EPB41L4A: variants seen among roughly 807,000 people sequenced by gnomAD.
The protein encoded by EPB41L4A is band 4.1-like protein 4A.
A neutral mutation model predicts 108.6 loss-of-function variants in EPB41L4A; 100 were observed. The observed-to-expected ratio is 0.92, with a 90% CI of 0.78 to 1.09. The LOEUF (loss-of-function observed/expected upper bound fraction) is 1.09, where lower values mean the gene tolerates loss of function less well. Among genes scored for constraint, EPB41L4A ranks in the 50% least tolerant of loss-of-function variants. The pLI is 0.00. For synonymous variants in EPB41L4A, 319 were observed against 289.0 expected (o/e 1.10, Z -1.05); for missense variants, 1,030 against 842.7 (o/e 1.22, Z -2.75).
At chr5:112,345,739 C>T (rs1450492097) in intron 1 of EPB41L4A, among the ~76,000 whole-genome samples, 2 of 149,650 alleles carry the variant, frequency 1.3e-5, no homozygotes, top group African/African-American at 4.9e-5. Flanking sequence ...AGGATGTGCA[C>T]AATGCTACAG....
chr5:112,186,321 C>T (rs1221085309), intron 17 of EPB41L4A, among the ~76,000 whole-genome samples: 2 of 152,162 alleles, frequency 1.3e-5, no homozygotes, highest in Non-Finnish European at 2.9e-5. Context: ...AGCACAGTTA[C>T]TGTATGTTCA....
intron 1 of EPB41L4A, among the ~76,000 whole-genome samples, chr5:112,389,463 C>T (rs1024888196): frequency 2.0e-5 from 3 of 152,118 alleles, no homozygotes; most frequent in African/African-American, 7.2e-5. Context: ...AGACAGAAAA[C>T]GGCCAATTTC....
chr5:112,153,159 C>A (rs1222655965), intron 12 of EPB41L4A, among the ~76,000 whole-genome samples: 1 of 151,712 alleles, frequency 6.6e-6, no homozygotes, highest in African/African-American at 2.4e-5. Flanking sequence ...GTGGAGGTTG[C>A]AGTGAGCCGA....
intron 22 of EPB41L4A, among the ~76,000 whole-genome samples, chr5:112,168,250 G>A (rs1355859870): frequency 6.6e-6 from 1 of 152,190 alleles, no homozygotes; most frequent in African/African-American, 2.4e-5. Context: ...AGGCAGCTAG[G>A]TGTTCTGTCT....
intron 10 of EPB41L4A, 109 bp from the exon 11 acceptor site, chr5:112,239,846 G>C: frequency 1.8e-6 from 1 of 558,660 alleles, no homozygotes; most frequent in Non-Finnish European, 3.1e-6. Flanking sequence ...CACTTTATAA[G>C]AATACTTCTC....
At chr5:112,416,752 G>C (rs1684274886) in intron 1 of EPB41L4A, among the ~76,000 whole-genome samples, 2 of 152,156 alleles carry the variant, frequency 1.3e-5, no homozygotes, top group Non-Finnish European at 2.9e-5. Flanking sequence ...ATACAGGAAG[G>C]TTAGGAAAAA....
intron 1 of EPB41L4A, among the ~76,000 whole-genome samples, chr5:112,355,060 A>G (rs972906476): frequency 3.9e-5 from 6 of 152,184 alleles, no homozygotes; most frequent in African/African-American, 1.4e-4. Context: ...TGACCAACAA[A>G]TGCCTTAGGT....
At position 112,171,788 on chromosome 5, in the gene EPB41L4A, T is replaced by C. The variant is rs945804338; in HGVS notation, c.1623-796A>G. Among the ~76,000 whole-genome samples the C allele has an allele frequency of 2.0e-5, 3 of 152,222 alleles. No individual in the cohort carries two copies. In the East Asian group the frequency reaches 5.8e-4, roughly 29 times the overall value. On this transcript the variant is annotated intron_variant, in intron 18 of 22. Coordinates refer to ENST00000261486, the MANE Select transcript of EPB41L4A (RefSeq NM_022140.5). ...GTTGACACAGAATGATTTTTCTTCA[T>C]AGTGAGAAAATAAGCTTTCATCAGT...
chr5:112,234,645 G>A lies in EPB41L4A; in HGVS notation c.1076C>T (p.Thr359Ile). 6.2e-7 allele frequency: 1 copy of A among 1,613,328 alleles called. No individual in the cohort carries two copies. The highest frequency in any genetic ancestry group is 8.5e-7 in the Non-Finnish European group (1 of 1,179,414). ...SKTYPKRIAQ[T>I]QPAESNSISR... ...GAACCATGACTTACCAGCTGGCTGT[G>A]TTTGTGCTATTCGCTTAGGGTAAGT... Residue 359 changes from threonine (T) to isoleucine (I), a missense_variant, in exon 12 of 23, where the codon ACA (threonine) becomes ATA (isoleucine). Thr to Ile is a moderately conservative substitution (Grantham distance 89). Coordinates refer to ENST00000261486, the MANE Select transcript of EPB41L4A (RefSeq NM_022140.5).
intron 19 of EPB41L4A, 40 bp downstream of exon 19, chr5:112,170,905 C>T: frequency 6.4e-7 from 1 of 1,568,588 alleles, no homozygotes; most frequent in Non-Finnish European, 8.8e-7. Context: ...ATTAAAACTA[C>T]ATGGGTTTTA....
chr5:112,376,382 A>G (rs889977457), intron 1 of EPB41L4A, among the ~76,000 whole-genome samples: 1 of 152,232 alleles, frequency 6.6e-6, no homozygotes, highest in Non-Finnish European at 1.5e-5. Context: ...TGACGCCACC[A>G]AATTCTGCCA....
chr5:112,154,501 A>T (rs1759581997), intron 12 of EPB41L4A, among the ~76,000 whole-genome samples: 1 of 152,198 alleles, frequency 6.6e-6, no homozygotes, highest in Non-Finnish European at 1.5e-5. Context: ...CAATAAAGAG[A>T]TAGTTTTTTC....
chr5:112,350,070 C>T (rs57115499), intron 1 of EPB41L4A, among the ~76,000 whole-genome samples: 21,207 of 152,236 alleles, frequency 0.14, 1,712 homozygotes, highest in East Asian at 0.32. Context: ...TCCAATAGAG[C>T]AGCCGCTAGC....
chr5:112,387,905 A>T (rs147028249), intron 1 of EPB41L4A, among the ~76,000 whole-genome samples: 1,634 of 152,206 alleles, frequency 0.011, 91 homozygotes, highest in Admixed American at 0.096. Flanking sequence ...TATCTTCCTC[A>T]CTTAAAAAGA....
At chr5:112,318,238 C>T (rs1443240200) in intron 1 of EPB41L4A, among the ~76,000 whole-genome samples, 1 of 151,794 alleles carries the variant, frequency 6.6e-6, no homozygotes, top group Non-Finnish European at 1.5e-5. Context: ...CTGTCAGCAA[C>T]AAAATAAAAC....
chr5:112,355,509 T>G (rs183950307), intron 1 of EPB41L4A, among the ~76,000 whole-genome samples: 1 of 152,212 alleles, frequency 6.6e-6, no homozygotes, highest in Admixed American at 6.5e-5. Context: ...TCAGCACAAG[T>G]TGAGTTTCAC....
chr5:112,404,611 G>C (rs372186672), intron 1 of EPB41L4A, among the ~76,000 whole-genome samples: 1 of 152,080 alleles, frequency 6.6e-6, no homozygotes, highest in South Asian at 2.1e-4. Context: ...CCAGATATTC[G>C]GAGTCTATAT....
Position 112,165,074 on chromosome 5 carries a change from C to G in EPB41L4A, c.1977G>C (p.Gln659His). 1 of 1,612,998 alleles carries G rather than the reference C, an allele frequency of 6.2e-7. No homozygotes were observed. Among genetic ancestry groups the G allele is most frequent in the Non-Finnish European group, 8.5e-7 (1 of 1,179,456 alleles). The change falls in exon 23 of 23, where the codon CAG (glutamine) becomes CAC (histidine). Residue 659 changes from glutamine to histidine, a missense_variant. Coordinates refer to ENST00000261486, the MANE Select transcript of EPB41L4A (RefSeq NM_022140.5). Reference protein sequence around the residue: ...SKDSLMEEKPQTSTNNLAGKH... With the variant: ...SKDSLMEEKPHTSTNNLAGKH... ...TTCCAGCCAGGTTGTTTGTAGATGT[C>G]TGAGGTTTTTCTTCCATCAGGCTAT...
chr5:112,360,968 G>T (rs963999295), intron 1 of EPB41L4A, among the ~76,000 whole-genome samples: 1 of 152,218 alleles, frequency 6.6e-6, no homozygotes, highest in East Asian at 1.9e-4. Flanking sequence ...CGGCCGCCCC[G>T]TCTGAGAAGT....
Sources: allele counts gnomAD v4.1 joint callset (sites outside exome capture counted in the v4.1 genomes callset), GRCh38; gene constraint gnomAD v4.1.1; transcripts MANE v1.5; gene names NCBI Gene and HGNC (gene_info 2026-07-23, HGNC 2026-07-21).